RBFOX2: variants seen among roughly 807,000 people sequenced by gnomAD.
RBFOX2 encodes RNA binding fox-1 homolog 2, also known as RNA binding protein fox-1 homolog 2.
In RBFOX2, 10 loss-of-function variants were observed where a neutral mutation model predicts 49.1. That is an observed-to-expected ratio of 0.20 (90% CI 0.13 to 0.35). RBFOX2 has a LOEUF of 0.35. Among genes scored for constraint, RBFOX2 ranks in the 10% least tolerant of loss-of-function variants. The pLI, the probability that RBFOX2 is intolerant of heterozygous loss-of-function variation, is 1.00. For missense variants in RBFOX2, 323 were observed against 486.9 expected (o/e 0.66, Z 3.17); for synonymous variants, 183 against 187.4 (o/e 0.98, Z 0.19).
At chr22:35,956,808 A>G (rs547738878) in intron 1 of RBFOX2, among the ~76,000 whole-genome samples, 2 of 152,378 alleles carry the variant, frequency 1.3e-5, no homozygotes, top group East Asian at 3.9e-4. Context: ...AGTATGCAGC[A>G]GAAGTGCTTT....
intron 6 of RBFOX2, among the ~76,000 whole-genome samples, chr22:35,764,341 T>C (rs1211818475): frequency 6.6e-6 from 1 of 151,956 alleles, no homozygotes. Flanking sequence ...TCCCAGCACT[T>C]TGGGAGGCCA....
intron 1 of RBFOX2, among the ~76,000 whole-genome samples, chr22:35,911,517 C>T (rs1316961652): frequency 6.6e-6 from 1 of 152,124 alleles, no homozygotes; most frequent in African/African-American, 2.4e-5. Flanking sequence ...TTTTAATATA[C>T]AGGATACCAC....
intron 1 of RBFOX2, among the ~76,000 whole-genome samples, chr22:35,879,079 A>G (rs185626534): frequency 6.6e-6 from 1 of 152,246 alleles, no homozygotes; most frequent in Non-Finnish European, 1.5e-5. Context: ...TGAAAAATTT[A>G]AAGTAAAATG....
intron 1 of RBFOX2, among the ~76,000 whole-genome samples, chr22:35,920,233 G>T (rs2050880063): frequency 6.6e-6 from 1 of 152,140 alleles, no homozygotes; most frequent in African/African-American, 2.4e-5. Context: ...AAAATTAAAT[G>T]ATTAATATGA....
At chr22:35,963,581 A>T (rs1462367239), upstream of RBFOX2, among the ~76,000 whole-genome samples, 1 of 152,234 alleles carries the variant, frequency 6.6e-6, no homozygotes, top group East Asian at 1.9e-4. Flanking sequence ...GAAATCTATC[A>T]GCAATGGCCT....
rs556471629 is a variant in RBFOX2 at position 35,909,681 on chromosome 22, G to A, written c.-34+29166C>T. Among the ~76,000 whole-genome samples, 116 of 152,230 alleles carry A rather than the reference G, an allele frequency of 7.6e-4. 1 individual carries two copies. The South Asian group carries it at 9.3e-3, about 12-fold the overall frequency. Reference sequence around the variant, plus strand: ...TGTTGGAGCGAAGTGGCACAATCTCGGCTCACTGCAACCTCCGCTTCCCGG... The same window carrying A: ...TGTTGGAGCGAAGTGGCACAATCTCAGCTCACTGCAACCTCCGCTTCCCGG... On this transcript the variant is annotated intron_variant, in intron 1 of 13. Coordinates refer to the RBFOX2 transcript ENST00000359369.
intron 1 of RBFOX2, among the ~76,000 whole-genome samples, chr22:35,918,072 A>G (rs573886765): frequency 6.6e-6 from 1 of 152,354 alleles, no homozygotes. Flanking sequence ...GCTGACATTC[A>G]ATGGCTCAGG....
chr22:35,931,400 A>G (rs549050639), intron 1 of RBFOX2, among the ~76,000 whole-genome samples: 1 of 152,130 alleles, frequency 6.6e-6, no homozygotes, highest in East Asian at 1.9e-4. Flanking sequence ...CTTCTGAACC[A>G]TTTTAATTCA....
chr22:35,796,043 T>C (rs1603033987), intron 2 of RBFOX2, among the ~76,000 whole-genome samples: 1 of 152,200 alleles, frequency 6.6e-6, no homozygotes, highest in East Asian at 1.9e-4. Context: ...CTTGCCTTGT[T>C]ACCCAGGCTA....
chr22:35,862,653 T>C (rs2043227317), intron 1 of RBFOX2, among the ~76,000 whole-genome samples: 1 of 152,180 alleles, frequency 6.6e-6, no homozygotes, highest in Admixed American at 6.5e-5. Flanking sequence ...TACCTGGTTG[T>C]AGTACACAAG....
intron 1 of RBFOX2, among the ~76,000 whole-genome samples, chr22:35,827,686 T>C (rs566763464): frequency 5.3e-5 from 8 of 152,212 alleles, no homozygotes; most frequent in Non-Finnish European, 1.2e-4. Flanking sequence ...TTCATGTAAT[T>C]TACTGTATCC....
chr22:35,940,649 A>G (rs1377802363), upstream of RBFOX2, among the ~76,000 whole-genome samples: 1 of 152,190 alleles, frequency 6.6e-6, no homozygotes, highest in African/African-American at 2.4e-5. Context: ...TGTTCATAGC[A>G]GCATTATTTC....
chr22:36,006,874 C>A (rs1311441665), intron 1 of RBFOX2, among the ~76,000 whole-genome samples: 1 of 152,168 alleles, frequency 6.6e-6, no homozygotes, highest in African/African-American at 2.4e-5. Context: ...CCCATAGAAG[C>A]ACTACTCATC....
At chr22:35,806,858 G>A (rs1160054539) in intron 2 of RBFOX2, among the ~76,000 whole-genome samples, 1 of 152,194 alleles carries the variant, frequency 6.6e-6, no homozygotes, top group Non-Finnish European at 1.5e-5. Context: ...AGGCTGGAGT[G>A]CAGTGGCATG....
At chr22:35,974,334 C>A (rs1212125416) in intron 1 of RBFOX2, among the ~76,000 whole-genome samples, 2 of 152,128 alleles carry the variant, frequency 1.3e-5, no homozygotes, top group African/African-American at 2.4e-5. Context: ...TCTGTAAATT[C>A]TTTTTCCTAC....
intron 2 of RBFOX2, among the ~76,000 whole-genome samples, chr22:35,786,579 G>A (rs1352602414): frequency 6.6e-6 from 1 of 152,206 alleles, no homozygotes; most frequent in African/African-American, 2.4e-5. Flanking sequence ...AGGGTCACGA[G>A]GATCCTGACT....
intron 1 of RBFOX2, among the ~76,000 whole-genome samples, chr22:35,902,393 A>G (rs5750195): frequency 0.077 from 11,662 of 152,186 alleles, 461 homozygotes; most frequent in South Asian, 0.086. Flanking sequence ...GTTAAATCCA[A>G]TTGTCTGCCT....
At chr22:35,946,959 AGGAG>A (rs1309078439) in intron 1 of RBFOX2, among the ~76,000 whole-genome samples, 4 of 152,218 alleles carry the variant, frequency 2.6e-5, no homozygotes, top group Admixed American at 6.5e-5. Flanking sequence ...TGGGAGGCCG[AGGAG>A]GGAGGATCAC....
chr22:35,977,208 T>C (rs1335647322), intron 1 of RBFOX2, among the ~76,000 whole-genome samples: 1 of 152,086 alleles, frequency 6.6e-6, no homozygotes, highest in Non-Finnish European at 1.5e-5. Context: ...GTGGAAAGAA[T>C]GTAGATATAT....
Sources: allele counts gnomAD v4.1 joint callset (sites outside exome capture counted in the v4.1 genomes callset), GRCh38; gene constraint gnomAD v4.1.1; transcripts MANE v1.5; gene names NCBI Gene and HGNC (gene_info 2026-07-23, HGNC 2026-07-21).